Variants in AOAH observed in about 807,000 individuals in gnomAD.
AOAH encodes acyloxyacyl hydrolase (neutrophil).
A neutral mutation model predicts 92.2 loss-of-function variants in AOAH; 64 were observed. That is an observed-to-expected ratio of 0.69 (90% CI 0.57 to 0.86). The LOEUF is 0.86. Among genes scored for constraint, AOAH ranks in the 40% least tolerant of loss-of-function variants. The pLI is 0.00. For missense variants in AOAH, 656 were observed against 694.6 expected (o/e 0.94, Z 0.62); for synonymous variants, 263 against 254.5 (o/e 1.03, Z -0.32).
At chr7:36,532,999 C>T (rs1279659357) in intron 16 of AOAH, among the ~76,000 whole-genome samples, 2 of 152,076 alleles carry the variant, frequency 1.3e-5, no homozygotes, top group Non-Finnish European at 1.5e-5. Context: ...CTTATTTGAC[C>T]CTAATTAGTA....
chr7:36,555,286 T>G (rs1786617183), intron 13 of AOAH, among the ~76,000 whole-genome samples: 1 of 152,208 alleles, frequency 6.6e-6, no homozygotes, highest in Non-Finnish European at 1.5e-5. Context: ...CTGGATTACA[T>G]TTATTGACTT....
chr7:36,675,289 G>A (rs569170237), intron 2 of AOAH, among the ~76,000 whole-genome samples: 1 of 152,310 alleles, frequency 6.6e-6, no homozygotes, highest in South Asian at 2.1e-4. Context: ...TGCCTTTGAA[G>A]TAGGCAATTA....
At chr7:36,600,539 A>G (rs1790485238) in intron 11 of AOAH, among the ~76,000 whole-genome samples, 1 of 152,024 alleles carries the variant, frequency 6.6e-6, no homozygotes, top group African/African-American at 2.4e-5. Flanking sequence ...CCCCCGGGAG[A>G]CGGCGCACAC....
intron 1 of AOAH, among the ~76,000 whole-genome samples, chr7:36,716,651 T>A (rs376089412): frequency 6.7e-6 from 1 of 148,870 alleles, no homozygotes; most frequent in Non-Finnish European, 1.5e-5. Context: ...CCATAAACAA[T>A]GATGAGTTCA....
rs1047907448 is a variant in AOAH, at chr7:36,527,730, C to T, written c.1522+2688G>A. 2.6e-5 allele frequency among the ~76,000 whole-genome samples: 4 copies of T among 152,194 alleles called. 1 individual carries two copies. The highest frequency in any genetic ancestry group is 9.7e-5 in the African/African-American group (4 of 41,446). ...GGTGGTTATTTAATTCACTTGAGGTCACCCAGCTATTCTGTGTCTGAGCTG... is the reference window on the plus strand; with the variant it reads ...GGTGGTTATTTAATTCACTTGAGGTTACCCAGCTATTCTGTGTCTGAGCTG... On this transcript the variant is annotated intron_variant, in intron 19 of 20. Transcript: ENST00000617537.
At chr7:36,660,451 G>A (rs1387374123) in intron 3 of AOAH, among the ~76,000 whole-genome samples, 6 of 152,172 alleles carry the variant, frequency 3.9e-5, no homozygotes, top group Non-Finnish European at 8.8e-5. Context: ...CAGCAGCTGG[G>A]ATTATAGGCA....
chr7:36,613,042 T>G (rs956914232), intron 11 of AOAH, among the ~76,000 whole-genome samples: 1 of 152,228 alleles, frequency 6.6e-6, no homozygotes, highest in African/African-American at 2.4e-5. Flanking sequence ...TTTGTGTGCT[T>G]CCTTTTACAA....
intron 13 of AOAH, among the ~76,000 whole-genome samples, chr7:36,562,989 A>G (rs1005076099): frequency 1.3e-5 from 2 of 151,794 alleles, no homozygotes; most frequent in Non-Finnish European, 2.9e-5. Flanking sequence ...TCTACTAAAA[A>G]TACAAAAATT....
At chr7:36,662,040 C>T (rs1324863890) in intron 3 of AOAH, among the ~76,000 whole-genome samples, 1 of 152,140 alleles carries the variant, frequency 6.6e-6, no homozygotes, top group African/African-American at 2.4e-5. Flanking sequence ...ATCTTGTGAC[C>T]GCTACACCTC....
intron 20 of AOAH, among the ~76,000 whole-genome samples, chr7:36,520,826 T>G (rs1784071479): frequency 6.6e-6 from 1 of 152,234 alleles, no homozygotes; most frequent in Non-Finnish European, 1.5e-5. Context: ...ATAATTTTCT[T>G]TGATCAACTC....
chr7:36,647,991 G>A (rs58033666), intron 4 of AOAH, among the ~76,000 whole-genome samples: 501 of 151,928 alleles, frequency 3.3e-3, no homozygotes, highest in African/African-American at 0.011. Flanking sequence ...CCATCATGCC[G>A]GGCTAATTTT....
chr7:36,680,603 A>G (rs1415911870), intron 2 of AOAH, among the ~76,000 whole-genome samples: 1 of 152,194 alleles, frequency 6.6e-6, no homozygotes, highest in Non-Finnish European at 1.5e-5. Context: ...GAGAACGTCT[A>G]TCTTTGCCAC....
intron 6 of AOAH, 76 bp from the exon 7 acceptor site, chr7:36,623,326 A>G (rs1278460254): frequency 4.7e-6 from 6 of 1,288,058 alleles, no homozygotes; most frequent in African/African-American, 1.5e-5. Context: ...ATAGAGAGAC[A>G]TTTTCTGATA....
chr7:36,647,142 G>C (rs1288529961), intron 4 of AOAH, among the ~76,000 whole-genome samples: 2 of 152,198 alleles, frequency 1.3e-5, no homozygotes, highest in Non-Finnish European at 2.9e-5. Context: ...CACCCTAACA[G>C]AAGATGCAGA....
chr7:36,674,090 G>T, intron 2 of AOAH, 81 bp from the exon 3 acceptor site: 1 of 799,560 alleles, frequency 1.3e-6, no homozygotes, highest in South Asian at 1.7e-5. Flanking sequence ...ATCTTTGCTA[G>T]GAACTGAAGC....
intron 1 of AOAH, among the ~76,000 whole-genome samples, chr7:36,715,559 G>A (rs1156711036): frequency 6.6e-6 from 1 of 151,110 alleles, no homozygotes; most frequent in African/African-American, 2.4e-5. Context: ...GCATCACGCT[G>A]CCTGACTTCA....
intron 3 of AOAH, among the ~76,000 whole-genome samples, chr7:36,662,033 T>C (rs1448764183): frequency 2.0e-5 from 3 of 152,196 alleles, no homozygotes; most frequent in African/African-American, 7.2e-5. Context: ...AAATATTATC[T>C]TGTGACCGCT....
At chr7:36,543,947 C>CTTTCTTTTTTTTTTT (rs55745823) in intron 15 of AOAH, among the ~76,000 whole-genome samples, 9 of 91,004 alleles carry the variant, frequency 9.9e-5, no homozygotes, top group Admixed American at 1.6e-4. Flanking sequence ...TTCTTTCTTT[C>CTTTCTTTTTTTTTTT]TTTTTTTTTT....
intron 4 of AOAH, among the ~76,000 whole-genome samples, chr7:36,658,184 A>G (rs530062204): frequency 6.6e-6 from 1 of 152,314 alleles, no homozygotes; most frequent in Non-Finnish European, 1.5e-5. Flanking sequence ...CACGTTCCTC[A>G]GGTAGTTGCA....
Sources: allele counts gnomAD v4.1 joint callset (sites outside exome capture counted in the v4.1 genomes callset), GRCh38; gene constraint gnomAD v4.1.1; transcripts MANE v1.5; gene names NCBI Gene and HGNC (gene_info 2026-07-23, HGNC 2026-07-21).